Variants in WDPCP observed in about 807,000 individuals in gnomAD.
WDPCP encodes the protein WD repeat containing planar cell polarity effector, also known as WD repeat-containing and planar cell polarity effector protein fritz homolog.
In WDPCP, 71 loss-of-function variants were observed where a neutral mutation model predicts 93.1. The ratio of observed to expected loss-of-function variants is 0.76; its 90% CI spans 0.63 to 0.93. The LOEUF is 0.93. Among genes scored for constraint, WDPCP ranks in the 40% least tolerant of loss-of-function variants. The pLI is 0.00. For synonymous variants in WDPCP, 315 were observed against 315.0 expected, an observed-to-expected ratio of 1.00 and a Z score of 0.00; for missense variants, 844 against 887.4, an observed-to-expected ratio of 0.95 and a Z score of 0.62.
At chr2:63,810,817 T>C (rs1470985455) in intron 2 of WDPCP, among the ~76,000 whole-genome samples, 3 of 152,254 alleles carry the variant, frequency 2.0e-5, no homozygotes, top group Non-Finnish European at 4.4e-5. Flanking sequence ...TTAATCCCTA[T>C]TGCTTTATAA....
intron 14 of WDPCP, among the ~76,000 whole-genome samples, chr2:63,194,456 T>TAAGA (rs1286996137): frequency 6.6e-6 from 1 of 152,210 alleles, no homozygotes. Flanking sequence ...CCTTCCTGTG[T>TAAGA]AAGAAATACC....
At chr2:63,558,190 C>A (rs940905847) in intron 1 of WDPCP, among the ~76,000 whole-genome samples, 3 of 151,956 alleles carry the variant, frequency 2.0e-5, no homozygotes, top group African/African-American at 7.2e-5. Flanking sequence ...AATCCAGTAG[C>A]TGGTTTTTTG....
At chr2:63,588,586 T>C, upstream of WDPCP, 1 of 522,628 alleles carries the variant, frequency 1.9e-6, no homozygotes, top group Non-Finnish European at 3.5e-6. Context: ...TTTACCCTCA[T>C]GGGAGGATGC....
intron 1 of WDPCP, among the ~76,000 whole-genome samples, chr2:63,515,483 C>G (rs1702492067): frequency 6.6e-6 from 1 of 152,166 alleles, no homozygotes; most frequent in South Asian, 2.1e-4. Flanking sequence ...TTCCTAAAAA[C>G]TGCATTTGTG....
chr2:63,285,547 A>G (rs1409509406), intron 13 of WDPCP, among the ~76,000 whole-genome samples: 1 of 152,044 alleles, frequency 6.6e-6, no homozygotes, highest in Non-Finnish European at 1.5e-5. Flanking sequence ...AGACAAAGAT[A>G]GGTAGAAATA....
At chr2:63,373,257 T>G (rs1372944560) in intron 12 of WDPCP, among the ~76,000 whole-genome samples, 5 of 149,958 alleles carry the variant, frequency 3.3e-5, no homozygotes, top group East Asian at 3.9e-4. Flanking sequence ...TTTTGTTGTT[T>G]TTTTTTTTCT....
intron 2 of WDPCP, among the ~76,000 whole-genome samples, chr2:63,488,933 T>C (rs899216760): frequency 6.6e-6 from 1 of 151,896 alleles, no homozygotes; most frequent in African/African-American, 2.4e-5. Context: ...TAAGAAAACC[T>C]GCCCTACAGT....
intron 14 of WDPCP, among the ~76,000 whole-genome samples, chr2:63,175,574 C>T (rs748750099): frequency 1.6e-4 from 24 of 152,276 alleles, no homozygotes; most frequent in Admixed American, 2.6e-4. Context: ...TGAAACTGCA[C>T]CCATTGTACA....
intron 14 of WDPCP, among the ~76,000 whole-genome samples, chr2:63,180,424 G>A (rs1674155560): frequency 6.6e-6 from 1 of 152,110 alleles, no homozygotes; most frequent in Admixed American, 6.6e-5. Context: ...TCTCACTTGT[G>A]AGAACATGTG....
chr2:63,605,470 C>A (rs769474040), intron 3 of WDPCP: 6 of 1,026,438 alleles, frequency 5.8e-6, no homozygotes, highest in Admixed American at 2.0e-5. Flanking sequence ...AAGAATATAG[C>A]CTTAGCAGTC....
Position 63,306,436 on chromosome 2 carries a change from A to C in WDPCP, c.1812+6812T>G, listed in dbSNP as rs552957955. On this transcript the variant is annotated intron_variant, in intron 13 of 17. Transcript: ENST00000272321. ...TCCAACACCTGGCAGAGTCACAACAAAAAAAGAAAATTTCAGCCCAATATC... is the reference window on the plus strand; with the variant it reads ...TCCAACACCTGGCAGAGTCACAACACAAAAAGAAAATTTCAGCCCAATATC... Among the ~76,000 whole-genome samples, 83 of 152,308 alleles carry C rather than the reference A, an allele frequency of 5.4e-4. 1 individual carries two copies. Among genetic ancestry groups the C allele is most frequent in the Non-Finnish European group, 1.0e-3 (70 of 68,022 alleles).
intron 12 of WDPCP, among the ~76,000 whole-genome samples, chr2:63,367,573 T>C (rs1691015273): frequency 6.6e-6 from 1 of 152,166 alleles, no homozygotes; most frequent in Admixed American, 6.6e-5. Context: ...TGTCTATATA[T>C]AGCAGGATAG....
chr2:63,508,229 C>T (rs891142394), intron 1 of WDPCP, among the ~76,000 whole-genome samples: 1 of 152,140 alleles, frequency 6.6e-6, no homozygotes, highest in African/African-American at 2.4e-5. Context: ...AGGCTAACAG[C>T]GGATCTCTCT....
chr2:63,222,466 T>C (rs1247730865), intron 14 of WDPCP, among the ~76,000 whole-genome samples: 3 of 152,196 alleles, frequency 2.0e-5, no homozygotes, highest in Non-Finnish European at 4.4e-5. Flanking sequence ...TGTTTGTTTA[T>C]CATGTCAAGC....
At chr2:63,456,253 C>T (rs1248900278) in intron 6 of WDPCP, among the ~76,000 whole-genome samples, 1 of 152,044 alleles carries the variant, frequency 6.6e-6, no homozygotes, top group African/African-American at 2.4e-5. Context: ...CCCATCACTA[C>T]TAAAAATACA....
chr2:63,148,861 A>AACACACAC (rs60091903), intron 17 of WDPCP, among the ~76,000 whole-genome samples: 10 of 149,232 alleles, frequency 6.7e-5, no homozygotes, highest in African/African-American at 2.5e-4. Flanking sequence ...CACAGGAGCC[A>AACACACAC]ACACACACAC....
chr2:63,229,702 AT>A, intron 14 of WDPCP: 1 of 151,902 alleles, frequency 6.6e-6, no homozygotes, highest in East Asian at 1.9e-4. Flanking sequence ...TCCTTTCCCC[AT>A]TTCTTGTTTT....
intron 9 of WDPCP, among the ~76,000 whole-genome samples, chr2:63,409,702 A>G (rs949261846): frequency 6.6e-6 from 1 of 152,192 alleles, no homozygotes; most frequent in Non-Finnish European, 1.5e-5. Context: ...TAAAGAAAAA[A>G]CAGTGAAAAA....
At chr2:63,161,422 G>A (rs1672634210) in intron 15 of WDPCP, among the ~76,000 whole-genome samples, 1 of 152,096 alleles carries the variant, frequency 6.6e-6, no homozygotes, top group African/African-American at 2.4e-5. Flanking sequence ...TAGATTCAAA[G>A]AATATGGCAC....
Sources: allele counts gnomAD v4.1 joint callset (sites outside exome capture counted in the v4.1 genomes callset), GRCh38; gene constraint gnomAD v4.1.1; transcripts MANE v1.5; gene names NCBI Gene and HGNC (gene_info 2026-07-23, HGNC 2026-07-21).